XPO7: variants seen among roughly 807,000 people sequenced by gnomAD.
XPO7 encodes the protein exportin 7, also known as exportin-7.
Under a neutral mutation model 144.3 loss-of-function variants are expected in XPO7, and 21 were observed. The observed-to-expected ratio is 0.15, with a 90% CI of 0.10 to 0.21. The LOEUF is 0.21. XPO7 is among the 10% of genes least tolerant of loss of function. The pLI, the probability that XPO7 is intolerant of heterozygous loss-of-function variation, is 1.00. For missense variants in XPO7, 808 were observed against 1,325.8 expected (o/e 0.61, Z 6.06); for synonymous variants, 580 against 499.6 (o/e 1.16, Z -2.15).
At chr8:22,001,386 G>A (rs1172203911) in intron 24 of XPO7, among the ~76,000 whole-genome samples, 5 of 151,980 alleles carry the variant, frequency 3.3e-5, no homozygotes, top group Non-Finnish European at 7.4e-5. Context: ...TCAGAGACTT[G>A]TTTACTCTTT....
At chr8:21,926,767 C>T (rs1395905097) in intron 1 of XPO7, among the ~76,000 whole-genome samples, 1 of 151,404 alleles carries the variant, frequency 6.6e-6, no homozygotes, top group Non-Finnish European at 1.5e-5. Flanking sequence ...ATCTATACAT[C>T]TCAGTTGAAA....
At chr8:21,958,301 G>A (rs1006845878) in intron 1 of XPO7, among the ~76,000 whole-genome samples, 1 of 151,790 alleles carries the variant, frequency 6.6e-6, no homozygotes, top group Admixed American at 6.6e-5. Flanking sequence ...GGGAAGTATA[G>A]GGTTAGATTC....
At chr8:21,960,562 G>A (rs1270359143) in intron 1 of XPO7, among the ~76,000 whole-genome samples, 1 of 152,252 alleles carries the variant, frequency 6.6e-6, no homozygotes, top group East Asian at 1.9e-4. Context: ...AGTTAGAATT[G>A]ATTAGTATTT....
In XPO7 at chr8:22,002,209, C is replaced by T. The variant is rs1813172658; in HGVS notation, c.2880C>T (p.Pro960=). 1.9e-6 allele frequency: 3 copies of T among 1,613,266 alleles called. No individual in the cohort carries two copies. The highest frequency in any genetic ancestry group is 3.3e-5 in the Admixed American group (2 of 59,930). Residue 960 remains proline, a synonymous_variant, in exon 25 of 28, where the codon CCC becomes CCT. Coordinates refer to ENST00000252512, the MANE Select transcript of XPO7 (RefSeq NM_015024.5). ...GTAGCACCAAGAAGAGGACCACACCCCTGAACCAGGAGAGCGACCGCTTTC... is the reference window on the plus strand; with the variant it reads ...GTAGCACCAAGAAGAGGACCACACCTCTGAACCAGGAGAGCGACCGCTTTC... The part of the protein sequence containing the change: ...LSRSTKKRTT[P]LNQESDRFLH...
chr8:21,956,772 A>C (rs1162241988), intron 1 of XPO7, among the ~76,000 whole-genome samples: 1 of 149,144 alleles, frequency 6.7e-6, no homozygotes, highest in East Asian at 2.0e-4. Flanking sequence ...GTTATTCCAC[A>C]CTTGCAATTT....
chr8:22,000,693 T>A (rs1346546897), intron 24 of XPO7, among the ~76,000 whole-genome samples: 1 of 152,098 alleles, frequency 6.6e-6, no homozygotes, highest in Non-Finnish European at 1.5e-5. Flanking sequence ...GACCTCATGA[T>A]CCGCCTGGCT....
At position 21,995,637 on chromosome 8, in the gene XPO7, C is replaced by G. The variant is rs747364721; in HGVS notation, c.2345+38C>G. 9 of 1,473,472 alleles carry G rather than the reference C, an allele frequency of 6.1e-6. No individual in the cohort carries two copies. In the South Asian group the frequency reaches 7.3e-5, roughly 12 times the overall value. The allele number at this position is 1,473,472 out of a possible 1,614,324, so 91.3% of individuals were successfully genotyped here. A position where few individuals can be genotyped will look rare whatever the true frequency, so the allele number is the denominator to read the frequency against. ...CAGAGCTTGCAAGGGCACATCTGCC[C>G]TGTTATCTGAGAGAATTTGCTGTAT... On this transcript the variant is annotated intron_variant, in intron 21 of 27. Transcript: ENST00000252512.
intron 21 of XPO7, among the ~76,000 whole-genome samples, chr8:21,997,413 G>C (rs1812988049): frequency 6.6e-6 from 1 of 152,220 alleles, no homozygotes; most frequent in Non-Finnish European, 1.5e-5. Flanking sequence ...GGTCAGGGAA[G>C]ACCTCTCAGA....
chr8:21,976,208 A>G, intron 6 of XPO7, 148 bp from the exon 7 acceptor site: 2 of 779,816 alleles, frequency 2.6e-6, no homozygotes, highest in Non-Finnish European at 4.2e-6. Flanking sequence ...CACAGGTGAT[A>G]GAAGTACCAC....
intron 1 of XPO7, among the ~76,000 whole-genome samples, chr8:21,924,669 C>G (rs1251217766): frequency 6.6e-6 from 1 of 152,066 alleles, no homozygotes; most frequent in East Asian, 1.9e-4. Flanking sequence ...AAAATTTTAC[C>G]CACAATTTTA....
rs762960522 is a variant in XPO7, at chr8:21,967,034, AC to A, written c.165+32del. 1.9e-6 allele frequency: 3 copies of A among 1,603,314 alleles called. No individual in the cohort carries two copies. In the African/African-American group the frequency reaches 4.0e-5, roughly 21 times the overall value. On this transcript the variant is annotated intron_variant, in intron 2 of 27. Transcript: ENST00000252512. ...TAAGATCTGAAAATCCTAAAGGATA[AC>A]AGGCGCTTCGGAAACGTTATTCTGG...
At chr8:21,974,970 C>T (rs1382680546) in intron 6 of XPO7, among the ~76,000 whole-genome samples, 196 bp downstream of exon 6, 2 of 152,212 alleles carry the variant, frequency 1.3e-5, no homozygotes, top group Non-Finnish European at 2.9e-5. Context: ...AAATGATTGT[C>T]ACTTCCCTGT....
chr8:21,979,001 G>A (rs375369315), intron 8 of XPO7, among the ~76,000 whole-genome samples: 19 of 152,240 alleles, frequency 1.2e-4, no homozygotes, highest in African/African-American at 4.6e-4. Context: ...GGGGCAAACA[G>A]AGAATGTAAA....
intron 7 of XPO7, 80 bp downstream of exon 7, chr8:21,976,601 G>T: frequency 1.4e-6 from 2 of 1,439,330 alleles, no homozygotes; most frequent in South Asian, 1.4e-5. Context: ...AGAACTCCTG[G>T]CAACTCCTGT....
chr8:21,980,677 A>G (rs1386469793), intron 9 of XPO7, among the ~76,000 whole-genome samples: 1 of 151,840 alleles, frequency 6.6e-6, no homozygotes, highest in Non-Finnish European at 1.5e-5. Flanking sequence ...CGGGAGGCTG[A>G]GGCAGGAGAA....
intron 19 of XPO7, 123 bp downstream of exon 19, chr8:21,992,097 G>A: frequency 1.6e-6 from 1 of 630,236 alleles, no homozygotes; most frequent in Non-Finnish European, 2.6e-6. Context: ...GGACTTCTAG[G>A]GTTTTGGAAT....
In XPO7 at chr8:21,999,167, C is replaced by T; in HGVS notation, c.2505C>T (p.Cys835=). Residue 835 remains cysteine, a synonymous_variant, in exon 23 of 28, where the codon TGC becomes TGT. Coordinates refer to ENST00000252512, the MANE Select transcript of XPO7 (RefSeq NM_015024.5). ...TGAAGCTCAAGGGCATCTCCATCTGCTTCTCCATGCTGAAGGCTGCTCTCA... is the reference window on the plus strand; with the variant it reads ...TGAAGCTCAAGGGCATCTCCATCTGTTTCTCCATGCTGAAGGCTGCTCTCA... ...YALKLKGISI[C]FSMLKAALSG... is the part of the protein sequence containing the mutation. 1 of 1,614,012 alleles carries T rather than the reference C, an allele frequency of 6.2e-7. No homozygotes were observed. The highest frequency in any genetic ancestry group is 8.5e-7 in the Non-Finnish European group (1 of 1,179,894).
Position 22,005,062 on chromosome 8 carries a change from G to A in XPO7, c.3238G>A (p.Val1080Met), listed in dbSNP as rs377392878. The change falls in exon 28 of 28, where the codon GTG becomes ATG. Residue 1080 changes from valine to methionine, a missense_variant. This residue lies in a region of XPO7 where 140 missense variants were observed against 237.9 expected (regional missense o/e 0.59). Transcript: ENST00000252512. ...NDSMKNSTYG[V>M]NSNDMMS ...CTCAATGAAGAATTCCACTTATGGC[G>A]TGAATAGCAATGACATGATGAGCTG... 1.4e-5 allele frequency: 22 copies of A among 1,612,984 alleles called. No individual in the cohort carries two copies. Among genetic ancestry groups the A allele is most frequent in the East Asian group, 1.1e-4 (5 of 44,834 alleles).
chr8:21,947,137 G>A (rs1015393012), intron 1 of XPO7, among the ~76,000 whole-genome samples: 12 of 152,164 alleles, frequency 7.9e-5, no homozygotes, highest in African/African-American at 2.4e-4. Flanking sequence ...TCTAAACATC[G>A]TATGACATAA....
Sources: allele counts gnomAD v4.1 joint callset (sites outside exome capture counted in the v4.1 genomes callset), GRCh38; gene constraint gnomAD v4.1.1; regional missense constraint gnomAD v4.1.1; transcripts MANE v1.5; gene names NCBI Gene and HGNC (gene_info 2026-07-23, HGNC 2026-07-21).